OR6N1: variants seen among roughly 807,000 people sequenced by gnomAD.
OR6N1 encodes olfactory receptor 6N1.
For missense variants in OR6N1, 394 were observed against 371.7 expected, an observed-to-expected ratio of 1.06 and a Z score of -0.49; for synonymous variants, 170 against 150.7, an observed-to-expected ratio of 1.13 and a Z score of -0.94.
At chr1:158,789,482 T>C in the OR6N1 span, among the ~76,000 whole-genome samples, 2,338 of 152,338 alleles carry the variant, frequency 0.015, 71 homozygotes, top group African/African-American at 0.053. Context: ...TTCCCCTTTT[T>C]CTACATCCTC....
chr1:158,836,010 T>A, the OR6N1 span, among the ~76,000 whole-genome samples: 1 of 151,926 alleles, frequency 6.6e-6, no homozygotes, highest in Non-Finnish European at 1.5e-5. Context: ...ATATTTTCAG[T>A]CTTTTACCAT....
the OR6N1 span, among the ~76,000 whole-genome samples, chr1:158,791,191 A>T: frequency 1.3e-5 from 2 of 152,210 alleles, no homozygotes; most frequent in African/African-American, 2.4e-5. Context: ...GGATTTTTTT[A>T]AAAATTGCCC....
chr1:158,818,554 G>A, the OR6N1 span, among the ~76,000 whole-genome samples: 1 of 152,130 alleles, frequency 6.6e-6, no homozygotes, highest in Non-Finnish European at 1.5e-5. Flanking sequence ...ATATGAAAGA[G>A]CTTGATGAGC....
At chr1:158,770,856 T>A (rs1370937566) in intron 1 of OR6N1, among the ~76,000 whole-genome samples, 1 of 152,208 alleles carries the variant, frequency 6.6e-6, no homozygotes, top group Non-Finnish European at 1.5e-5. Flanking sequence ...TCCTGACCCA[T>A]AAGACAGTTC....
At chr1:158,833,412 T>C in the OR6N1 span, among the ~76,000 whole-genome samples, 1 of 152,200 alleles carries the variant, frequency 6.6e-6, no homozygotes, top group Non-Finnish European at 1.5e-5. Context: ...CATATTGTTG[T>C]GCAACCAACC....
At chr1:158,766,903 T>C (rs1429860) in intron 1 of OR6N1, among the ~76,000 whole-genome samples, 2,650 of 152,254 alleles carry the variant, frequency 0.017, 71 homozygotes, top group African/African-American at 0.06. Context: ...TTCACCTTTA[T>C]GTTTAGTCTT....
chr1:158,797,574 C>T, the OR6N1 span, among the ~76,000 whole-genome samples: 1 of 152,114 alleles, frequency 6.6e-6, no homozygotes, highest in Non-Finnish European at 1.5e-5. Context: ...GTTGCTTCTA[C>T]TCTATCATTT....
the OR6N1 span, among the ~76,000 whole-genome samples, chr1:158,816,851 T>C: frequency 2.0e-5 from 3 of 152,212 alleles, no homozygotes; most frequent in Admixed American, 1.3e-4. Flanking sequence ...GTTGTAATCA[T>C]AGGATCAAAA....
the OR6N1 span, among the ~76,000 whole-genome samples, chr1:158,806,974 G>A: frequency 7.5e-6 from 1 of 133,522 alleles, no homozygotes; most frequent in African/African-American, 2.9e-5. Context: ...TTGCACTCCA[G>A]CCTGGGGGAC....
chr1:158,806,690 GT>G, the OR6N1 span, among the ~76,000 whole-genome samples: 46 of 149,444 alleles, frequency 3.1e-4, 1 homozygote, highest in Admixed American at 4.7e-4. Flanking sequence ...CTTTGATGTA[GT>G]TTTTTTTTTA....
the OR6N1 span, among the ~76,000 whole-genome samples, chr1:158,835,377 A>C: frequency 6.6e-6 from 1 of 152,092 alleles, no homozygotes; most frequent in Non-Finnish European, 1.5e-5. Context: ...ATACAGAAAA[A>C]GAACTGTTTC....
At chr1:158,769,905 T>C (rs1657374032) in intron 1 of OR6N1, among the ~76,000 whole-genome samples, 1 of 152,228 alleles carries the variant, frequency 6.6e-6, no homozygotes, top group South Asian at 2.1e-4. Flanking sequence ...ACTGCCCAAT[T>C]CTGCCTTCTG....
chr1:158,765,987 G>T lies in OR6N1; in HGVS notation c.696C>A (p.Ala232=). The T allele has an allele frequency of 6.2e-7, 1 of 1,614,126 alleles. No individual in the cohort carries two copies. The highest frequency in any genetic ancestry group is 2.2e-5 in the East Asian group (1 of 44,884). Residue 232 remains alanine, a synonymous_variant, in exon 2 of 2, where the codon GCC becomes GCA. Coordinates refer to ENST00000641846, the MANE Select transcript of OR6N1 (RefSeq NM_001005185.2). ...ICTVLRIPSA[A]GKRKAISTCA... is the part of the protein sequence containing the mutation. Reference sequence around the variant, plus strand: ...ACGTGGAGATGGCCTTCCTCTTGCCGGCAGCTGAGGGAATTCTGAGCACTG... The same window carrying T: ...ACGTGGAGATGGCCTTCCTCTTGCCTGCAGCTGAGGGAATTCTGAGCACTG...
the OR6N1 span, among the ~76,000 whole-genome samples, chr1:158,821,269 A>G: frequency 6.6e-6 from 1 of 152,172 alleles, no homozygotes; most frequent in Non-Finnish European, 1.5e-5. Flanking sequence ...ATACCCCACC[A>G]GAGGGGTACA....
the OR6N1 span, among the ~76,000 whole-genome samples, chr1:158,785,456 A>G: frequency 1.3e-5 from 2 of 152,186 alleles, no homozygotes; most frequent in Admixed American, 6.5e-5. Context: ...TTCTCTTGAA[A>G]GCCATTTTTA....
At chr1:158,787,932 G>A in the OR6N1 span, among the ~76,000 whole-genome samples, 4 of 152,086 alleles carry the variant, frequency 2.6e-5, no homozygotes, top group Admixed American at 6.5e-5. Context: ...CTCAGAAGAC[G>A]CAGGCAGTGT....
the OR6N1 span, chr1:158,777,579 A>G: frequency 2.6e-4 from 419 of 1,614,072 alleles, no homozygotes; most frequent in African/African-American, 5.0e-3. Context: ...CATAGCCCAC[A>G]CTGGCAAAGC....
At chr1:158,768,401 T>C (rs1657330925) in intron 1 of OR6N1, among the ~76,000 whole-genome samples, 1 of 152,176 alleles carries the variant, frequency 6.6e-6, no homozygotes, top group Non-Finnish European at 1.5e-5. Context: ...GCAATTGCAA[T>C]CTTTCAACTG....
the OR6N1 span, among the ~76,000 whole-genome samples, chr1:158,801,846 T>C: frequency 6.6e-6 from 1 of 152,186 alleles, no homozygotes; most frequent in African/African-American, 2.4e-5. Context: ...CTTTTTTAGA[T>C]ACTCTAATCT....
Sources: gnomAD v4.1 joint callset for allele counts (sites outside exome capture counted in the v4.1 genomes callset) on GRCh38, gnomAD v4.1.1 for gene constraint, MANE v1.5 for transcripts, NCBI Gene and HGNC (gene_info 2026-07-23, HGNC 2026-07-21) for gene names.